MPP7: variants seen among roughly 807,000 people sequenced by gnomAD.
MPP7 encodes MAGUK p55 scaffold protein 7, also known as MAGUK p55 subfamily member 7.
MPP7 carries 60 observed loss-of-function variants against 76.5 expected under a neutral mutation model. The ratio of observed to expected loss-of-function variants is 0.78; its 90% confidence interval spans 0.64 to 0.97. The LOEUF (loss-of-function observed/expected upper bound fraction) is 0.97. Among genes scored for constraint, MPP7 ranks in the 50% least tolerant of loss-of-function variants. The pLI, the probability that MPP7 is intolerant of heterozygous loss-of-function variation, is 0.00. For synonymous variants in MPP7, 237 were observed against 244.5 expected (o/e 0.97, Z 0.29); for missense variants, 641 against 694.0 (o/e 0.92, Z 0.86).
At chr10:28,323,555 G>A (rs1834385740) in intron 2 of MPP7, among the ~76,000 whole-genome samples, 2 of 151,980 alleles carry the variant, frequency 1.3e-5, no homozygotes, top group Non-Finnish European at 2.9e-5. Context: ...TCTAAGAATT[G>A]TGAAATGGGC....
intron 3 of MPP7, among the ~76,000 whole-genome samples, chr10:28,198,612 T>C (rs988041841): frequency 4.0e-5 from 6 of 149,730 alleles, no homozygotes; most frequent in Non-Finnish European, 7.4e-5. Flanking sequence ...GAAAGAAATA[T>C]AGTATTTAAG....
chr10:28,318,973 A>T (rs771363919), intron 2 of MPP7, among the ~76,000 whole-genome samples: 1 of 152,204 alleles, frequency 6.6e-6, no homozygotes, highest in Non-Finnish European at 1.5e-5. Context: ...TCCTTGAAAC[A>T]TATTTGAATG....
chr10:28,264,143 T>C (rs570459805), intron 1 of MPP7, among the ~76,000 whole-genome samples: 5 of 151,802 alleles, frequency 3.3e-5, no homozygotes, highest in Admixed American at 1.3e-4. Flanking sequence ...CAAAAAAATT[T>C]TGAAAATTAA....
At chr10:28,327,659 G>A (rs762230552) in intron 2 of MPP7, among the ~76,000 whole-genome samples, 7 of 152,056 alleles carry the variant, frequency 4.6e-5, no homozygotes, top group Non-Finnish European at 1.0e-4. Context: ...TAACCAATGG[G>A]GGTGAATCAT....
At chr10:28,171,924 G>A (rs1430034616) in intron 3 of MPP7, among the ~76,000 whole-genome samples, 1 of 152,124 alleles carries the variant, frequency 6.6e-6, no homozygotes, top group African/African-American at 2.4e-5. Flanking sequence ...TTCAAAAGCC[G>A]AGCTTCTTTC....
intron 12 of MPP7, among the ~76,000 whole-genome samples, chr10:28,085,066 A>C (rs1852938710): frequency 6.6e-6 from 1 of 152,234 alleles, no homozygotes; most frequent in Non-Finnish European, 1.5e-5. Flanking sequence ...AAAATGAATG[A>C]ACAGTCCTTT....
intron 12 of MPP7, among the ~76,000 whole-genome samples, chr10:28,077,653 G>C (rs753412131): frequency 6.6e-6 from 1 of 152,180 alleles, no homozygotes; most frequent in African/African-American, 2.4e-5. Flanking sequence ...TGCAAACTGA[G>C]TTAGGTTTAT....
Position 28,262,196 on chromosome 10 carries a change from T to C in MPP7, c.-131-23461A>G, listed in dbSNP as rs61845917. ...AATAAATAAATAAATTATATATATA[T>C]ATATATATATACATATATATATATA... On this transcript the variant is annotated intron_variant, in intron 1 of 16. Transcript: ENST00000683449. Among the ~76,000 whole-genome samples, 13 of 23,692 alleles carry C rather than the reference T, an allele frequency of 5.5e-4. 1 individual carries two copies. The highest frequency in any genetic ancestry group is 1.2e-3 in the East Asian group (1 of 842). 15.5% of individuals were successfully genotyped at this position (23,692 alleles called of 152,430 possible).
intron 1 of MPP7, among the ~76,000 whole-genome samples, chr10:28,261,439 C>T (rs933160508): frequency 1.3e-5 from 2 of 152,188 alleles, no homozygotes; most frequent in Non-Finnish European, 1.5e-5. Flanking sequence ...AAGATTTAAG[C>T]GAGGCAAACC....
chr10:28,260,777 A>AC (rs1446289449), intron 1 of MPP7, among the ~76,000 whole-genome samples: 1 of 151,206 alleles, frequency 6.6e-6, no homozygotes, highest in Non-Finnish European at 1.5e-5. Flanking sequence ...CTCAAAAAAA[A>AC]AAAAAAAAAA....
At chr10:28,238,819 T>C (rs1239304191) in intron 1 of MPP7, 84 bp from the exon 2 acceptor site, 2 of 583,580 alleles carry the variant, frequency 3.4e-6, no homozygotes, top group Non-Finnish European at 6.1e-6. Context: ...AAAATTCTCA[T>C]CCCAATCACT....
At chr10:28,100,139 G>A (rs1316951081) in intron 11 of MPP7, among the ~76,000 whole-genome samples, 2 of 145,668 alleles carry the variant, frequency 1.4e-5, no homozygotes, top group African/African-American at 2.5e-5. Flanking sequence ...AAAAAAACAC[G>A]TAGACATTAA....
chr10:28,082,415 T>A (rs1852806510), intron 12 of MPP7, among the ~76,000 whole-genome samples: 1 of 151,524 alleles, frequency 6.6e-6, no homozygotes, highest in South Asian at 2.1e-4. Flanking sequence ...CTTCTCCTCC[T>A]CCTCCTTCTC....
intron 1 of MPP7, among the ~76,000 whole-genome samples, chr10:28,251,833 G>A (rs1839624128): frequency 6.6e-6 from 1 of 151,958 alleles, no homozygotes; most frequent in African/African-American, 2.4e-5. Flanking sequence ...GAGGTGGGAG[G>A]ATTACTTGAC....
At chr10:28,081,789 GA>G (rs1200943571) in intron 12 of MPP7, among the ~76,000 whole-genome samples, 1 of 145,828 alleles carries the variant, frequency 6.9e-6, no homozygotes, top group Non-Finnish European at 1.5e-5. Flanking sequence ...TTTTGAGACA[GA>G]GTCTTGCTCT....
intron 3 of MPP7, among the ~76,000 whole-genome samples, chr10:28,166,289 T>C (rs1025683603): frequency 6.6e-6 from 1 of 151,658 alleles, no homozygotes; most frequent in Non-Finnish European, 1.5e-5. Context: ...CAACAAACCA[T>C]CCACTAGAAT....
At chr10:28,090,313 C>G (rs866993284) in intron 11 of MPP7, among the ~76,000 whole-genome samples, 9 of 152,142 alleles carry the variant, frequency 5.9e-5, no homozygotes, top group Middle Eastern at 6.8e-3. Flanking sequence ...AATAATAGTA[C>G]ACAATTTTAT....
chr10:28,238,598 C>T lies in MPP7; in HGVS notation c.7G>A (p.Ala3Thr). The T allele has an allele frequency of 4.3e-6, 7 of 1,614,170 alleles. No homozygotes were observed. The highest frequency in any genetic ancestry group is 4.2e-6 in the Non-Finnish European group (5 of 1,179,992). Residue 3 changes from alanine (A) to threonine (T), a missense_variant, in exon 2 of 17, where the codon GCT becomes ACT. Physicochemically the swap from Ala to Thr is moderately conservative, Grantham distance 58 (BLOSUM62 0). Coordinates refer to ENST00000683449, the MANE Select transcript of MPP7 (RefSeq NM_001318170.2). Reference sequence around the variant, plus strand: ...TCACTCCCAGATCCCGTTGACAAAGCTGGCATGATGCAAGGTGTAGGAACA... The same window carrying T: ...TCACTCCCAGATCCCGTTGACAAAGTTGGCATGATGCAAGGTGTAGGAACA... MP[A>T]LSTGSGSDTG... is the part of the protein sequence containing the mutation.
At chr10:28,240,896 A>T (rs1277645089) in intron 1 of MPP7, among the ~76,000 whole-genome samples, 2 of 152,152 alleles carry the variant, frequency 1.3e-5, no homozygotes, top group African/African-American at 4.8e-5. Context: ...CTGCAGACAC[A>T]TTTGTACCAT....
Sources: gnomAD v4.1 joint callset for allele counts (sites outside exome capture counted in the v4.1 genomes callset) on GRCh38, gnomAD v4.1.1 for gene constraint, MANE v1.5 for transcripts, NCBI Gene and HGNC (gene_info 2026-07-23, HGNC 2026-07-21) for gene names.